STK32C: variants seen among roughly 807,000 people sequenced by gnomAD.
STK32C encodes the protein serine/threonine-protein kinase 32C.
In STK32C, 31 loss-of-function variants were observed where a neutral mutation model predicts 56.5. The observed-to-expected ratio is 0.55, with a 90% CI of 0.41 to 0.74. The LOEUF (loss-of-function observed/expected upper bound fraction) is 0.74, where lower values mean the gene tolerates loss of function less well. Among genes scored for constraint, STK32C ranks in the 30% least tolerant of loss-of-function variants. STK32C has a pLI of 0.00. For missense variants in STK32C, 544 were observed against 676.9 expected (o/e 0.80, Z 2.18); for synonymous variants, 309 against 289.4 (o/e 1.07, Z -0.69).
intron 1 of STK32C, among the ~76,000 whole-genome samples, chr10:132,247,132 C>T (rs922122210): frequency 6.6e-6 from 1 of 152,226 alleles, no homozygotes; most frequent in Non-Finnish European, 1.5e-5. Flanking sequence ...GGGGAGACAG[C>T]AGGGTAGGTA....
At chr10:132,291,984 C>T (rs2065579503) in intron 1 of STK32C, among the ~76,000 whole-genome samples, 1 of 152,130 alleles carries the variant, frequency 6.6e-6, no homozygotes, top group Admixed American at 6.5e-5. Context: ...ACATACGGCC[C>T]AGCCTTCACT....
intron 1 of STK32C, 37 bp from the exon 2 acceptor site, chr10:132,245,992 C>A: frequency 6.2e-7 from 1 of 1,601,962 alleles, no homozygotes; most frequent in Non-Finnish European, 8.5e-7. Context: ...GGTGAGGTGG[C>A]AGCAAGGCCC....
rs72856753 is a variant in STK32C at position 132,258,423 on chromosome 10, C to G, written c.263-12468G>C. On this transcript the variant is annotated intron_variant, in intron 1 of 11. Coordinates refer to ENST00000298630, the MANE Select transcript of STK32C (RefSeq NM_173575.4). ...TGGCCCTGGCCGCCCCCCATCACCC[C>G]CCACGGGGCCCTTCCAGGGCTCTTT... 2.4e-3 allele frequency among the ~76,000 whole-genome samples: 370 copies of G among 152,394 alleles called. 1 individual carries two copies. Among genetic ancestry groups the G allele is most frequent in the Admixed American group, 4.3e-3 (66 of 15,314 alleles).
rs142273805 is a variant in STK32C at position 132,280,380 on chromosome 10, C to T, written c.262+27192G>A. On this transcript the variant is annotated intron_variant, in intron 1 of 11. Coordinates refer to ENST00000298630, the MANE Select transcript of STK32C (RefSeq NM_173575.4). ...ACCATGCCCCTGCACTCCGTGATCA[C>T]GACACTCCACCCCGTGATCACGCAC... is the stretch of plus-strand genomic sequence containing the variant. Among the ~76,000 whole-genome samples, 252 of 146,760 alleles carry T rather than the reference C, an allele frequency of 1.7e-3. 2 individuals are homozygous for T. Among genetic ancestry groups the T allele is most frequent in the South Asian group, 0.015 (69 of 4,500 alleles).
chr10:132,264,862 G>A (rs1252678229), intron 1 of STK32C, among the ~76,000 whole-genome samples: 4 of 152,372 alleles, frequency 2.6e-5, no homozygotes, highest in Admixed American at 6.5e-5. Flanking sequence ...AAAATCATGT[G>A]AATAAATAGG....
chr10:132,328,404 C>A (rs1258265598), intron 1 of STK32C, among the ~76,000 whole-genome samples: 1 of 152,130 alleles, frequency 6.6e-6, no homozygotes, highest in Non-Finnish European at 1.5e-5. Flanking sequence ...AAGCTCTGAT[C>A]TTGGGTTTTA....
intron 1 of STK32C, among the ~76,000 whole-genome samples, chr10:132,257,728 C>T (rs2064173582): frequency 6.6e-6 from 1 of 151,998 alleles, no homozygotes; most frequent in South Asian, 2.1e-4. Flanking sequence ...AATCCTCCCC[C>T]CAACCCCCAC....
intron 2 of STK32C, among the ~76,000 whole-genome samples, chr10:132,231,102 A>T (rs1421461635): frequency 2.6e-5 from 4 of 152,198 alleles, no homozygotes; most frequent in Non-Finnish European, 5.9e-5. Flanking sequence ...ATCTGGGACC[A>T]GCCCCTTGGC....
intron 1 of STK32C, among the ~76,000 whole-genome samples, chr10:132,294,170 C>T (rs923434503): frequency 9.9e-5 from 15 of 152,068 alleles, no homozygotes; most frequent in Non-Finnish European, 2.1e-4. Flanking sequence ...AGATCACCAG[C>T]GTGTGGGTGG....
intron 10 of STK32C, among the ~76,000 whole-genome samples, chr10:132,213,860 T>A (rs1309947890): frequency 3.9e-5 from 6 of 152,066 alleles, no homozygotes; most frequent in Non-Finnish European, 7.4e-5. Context: ...TAGAAAACAC[T>A]GTAACAGAAA....
intron 1 of STK32C, among the ~76,000 whole-genome samples, chr10:132,301,969 C>T (rs1054328829): frequency 1.4e-4 from 22 of 152,328 alleles, no homozygotes; most frequent in African/African-American, 1.2e-4. Context: ...AGTATGTCCG[C>T]GGGCCAGCAG....
At position 132,245,831 on chromosome 10, in the gene STK32C, C is replaced by G. The variant is rs991631778; in HGVS notation, c.318+69G>C. 1.8e-4 allele frequency: 269 copies of G among 1,490,298 alleles called. No homozygotes were observed. The Admixed American group carries it at 4.4e-3, about 24-fold the overall frequency. 92.3% of individuals were successfully genotyped at this position (1,490,298 alleles called of 1,614,324 possible). On this transcript the variant is annotated intron_variant, in intron 2 of 11. Coordinates refer to ENST00000298630, the MANE Select transcript of STK32C (RefSeq NM_173575.4). The stretch of plus-strand genomic sequence containing the variant: ...GATGGGAGTAGGTGGGCTCAGGGGA[C>G]AGCATGTCCGACTCCACGGTTCTGC...
At chr10:132,242,502 C>G (rs2063539694) in intron 2 of STK32C, among the ~76,000 whole-genome samples, 2 of 152,130 alleles carry the variant, frequency 1.3e-5, no homozygotes, top group Admixed American at 6.5e-5. Context: ...GCACAGCCCC[C>G]CTGCAGTTCC....
chr10:132,222,577 C>T (rs1268868127), intron 10 of STK32C, 64 bp downstream of exon 10: 11 of 1,582,818 alleles, frequency 6.9e-6, no homozygotes, highest in African/African-American at 5.4e-5. Context: ...ACGCCTTGCT[C>T]GGTGGTAGAG....
intron 1 of STK32C, among the ~76,000 whole-genome samples, chr10:132,326,284 A>C (rs1271257041): frequency 2.6e-5 from 4 of 152,206 alleles, no homozygotes; most frequent in East Asian, 3.8e-4. Flanking sequence ...CGCCAGAGTC[A>C]GTTGGAGTTG....
chr10:132,236,753 G>C (rs778593180), intron 2 of STK32C, among the ~76,000 whole-genome samples: 1 of 152,130 alleles, frequency 6.6e-6, no homozygotes, highest in Non-Finnish European at 1.5e-5. Flanking sequence ...TTCCTTTCCC[G>C]GCCATTCAGA....
intron 10 of STK32C, among the ~76,000 whole-genome samples, chr10:132,220,049 CTG>C (rs2062586578): frequency 6.6e-6 from 1 of 152,210 alleles, no homozygotes; most frequent in Non-Finnish European, 1.5e-5. Flanking sequence ...ATGGGCCAAA[CTG>C]TGTCCCCAAA....
intron 1 of STK32C, among the ~76,000 whole-genome samples, chr10:132,248,511 G>T (rs979796185): frequency 6.6e-6 from 1 of 152,246 alleles, no homozygotes; most frequent in South Asian, 2.1e-4. Flanking sequence ...CCAGGCCCAG[G>T]TTGCCGCTGC....
intron 2 of STK32C, among the ~76,000 whole-genome samples, chr10:132,244,004 T>C (rs1453713319): frequency 6.6e-6 from 1 of 152,208 alleles, no homozygotes; most frequent in Non-Finnish European, 1.5e-5. Context: ...TGAGGCCACA[T>C]GTGAGCAGAC....
Sources: gnomAD v4.1 joint callset for allele counts (sites outside exome capture counted in the v4.1 genomes callset) on GRCh38, gnomAD v4.1.1 for gene constraint, MANE v1.5 for transcripts, NCBI Gene and HGNC (gene_info 2026-07-23, HGNC 2026-07-21) for gene names.